The following TBC1D12 variants were observed in gnomAD, a reference collection of about 807,000 sequenced individuals.
TBC1D12 encodes TBC1 domain family member 12.
In TBC1D12, 56 loss-of-function variants were observed where a neutral mutation model predicts 86.7. The ratio of observed to expected loss-of-function variants is 0.65; its 90% CI spans 0.52 to 0.81. The LOEUF (loss-of-function observed/expected upper bound fraction) is 0.81, where lower values mean the gene tolerates loss of function less well. Among genes scored for constraint, TBC1D12 ranks in the 30% least tolerant of loss-of-function variants. The pLI, the probability that TBC1D12 is intolerant of heterozygous loss-of-function variation, is 0.00. For missense variants in TBC1D12, 1,023 were observed against 1,038.8 expected, an observed-to-expected ratio of 0.98 and a Z score of 0.21; for synonymous variants, 421 against 411.7, an observed-to-expected ratio of 1.02 and a Z score of -0.27.
intron 11 of TBC1D12, 29 bp from the exon 12 acceptor site, chr10:94,531,173 T>C: frequency 6.3e-7 from 1 of 1,591,544 alleles, no homozygotes; most frequent in Non-Finnish European, 8.6e-7. Context: ...ATGAAAAATT[T>C]CAGTGACCAT....
At chr10:94,465,013 A>G (rs2055785442) in intron 2 of TBC1D12, among the ~76,000 whole-genome samples, 2 of 152,230 alleles carry the variant, frequency 1.3e-5, no homozygotes, top group Admixed American at 6.5e-5. Flanking sequence ...TAGTAAAGAG[A>G]AGAACGTTTT....
chr10:94,432,594 C>T (rs969327374), intron 1 of TBC1D12, among the ~76,000 whole-genome samples: 1 of 152,084 alleles, frequency 6.6e-6, no homozygotes, highest in Non-Finnish European at 1.5e-5. Context: ...CAACTGGATA[C>T]CTGTGGGCTC....
chr10:94,501,898 T>A (rs1370935316), intron 6 of TBC1D12, among the ~76,000 whole-genome samples: 1 of 152,034 alleles, frequency 6.6e-6, no homozygotes, highest in Non-Finnish European at 1.5e-5. Flanking sequence ...ACATGGTGGC[T>A]CATGCCTGTA....
chr10:94,447,848 T>C (rs1438472689), intron 2 of TBC1D12, among the ~76,000 whole-genome samples: 1 of 149,588 alleles, frequency 6.7e-6, no homozygotes, highest in African/African-American at 2.5e-5. Flanking sequence ...ATGAACCATG[T>C]TATATGTAAT....
chr10:94,468,451 G>A (rs908347852), intron 2 of TBC1D12, among the ~76,000 whole-genome samples: 2 of 152,192 alleles, frequency 1.3e-5, no homozygotes, highest in Middle Eastern at 6.8e-3. Flanking sequence ...TCTGGTATAG[G>A]ATTCTAAGTT....
intron 2 of TBC1D12, among the ~76,000 whole-genome samples, chr10:94,444,783 G>A (rs2055433042): frequency 6.7e-6 from 1 of 148,726 alleles, no homozygotes; most frequent in South Asian, 2.1e-4. Flanking sequence ...CCAGGCTGCA[G>A]TGCAGTGGCA....
rs1477996731 is a variant in TBC1D12, at chr10:94,458,551, T to C, written c.1096-16117T>C. On this transcript the variant is annotated intron_variant, in intron 2 of 12. Transcript: ENST00000225235. ...TGAAACTGTGTCTGGAATTGGTGGGTTCTTGGTCTCGCTGAGTTCAAGAAT... is the reference window on the plus strand; with the variant it reads ...TGAAACTGTGTCTGGAATTGGTGGGCTCTTGGTCTCGCTGAGTTCAAGAAT... 3.9e-5 allele frequency among the ~76,000 whole-genome samples: 6 copies of C among 152,260 alleles called. No homozygotes were observed. The East Asian group carries it at 1.2e-3, about 29-fold the overall frequency.
Position 94,403,613 on chromosome 10 carries a change from GCGGGTC to G in TBC1D12, c.971+34_971+39del. ...CAGCGCAGGCTGCATGGGACTCGGG[GCGGGTC>G]CGGGGCCGGGGCCGGAGCCGGGGTC... On this transcript the variant is annotated intron_variant, in intron 1 of 12. Transcript: ENST00000225235. 3 of 1,425,466 alleles carry G rather than the reference GCGGGTC, an allele frequency of 2.1e-6. No homozygotes were observed. The South Asian group carries it at 4.7e-5, about 23-fold the overall frequency. The allele number at this position is 1,425,466 out of a possible 1,614,324, so 88.3% of individuals were successfully genotyped here. A position where few individuals can be genotyped will look rare whatever the true frequency, so the allele number is the denominator to read the frequency against.
At chr10:94,490,679 T>C (rs2056233876) in intron 3 of TBC1D12, among the ~76,000 whole-genome samples, 1 of 152,232 alleles carries the variant, frequency 6.6e-6, no homozygotes, top group South Asian at 2.1e-4. Context: ...TGCAGTTTTT[T>C]GGAAATGGTT....
At chr10:94,502,945 A>T (rs1290206145) in intron 6 of TBC1D12, among the ~76,000 whole-genome samples, 7 of 152,144 alleles carry the variant, frequency 4.6e-5, no homozygotes, top group African/African-American at 1.7e-4. Context: ...TTTGGTGTAT[A>T]TTCTTTCTGG....
At chr10:94,447,923 T>C (rs896993787) in intron 2 of TBC1D12, among the ~76,000 whole-genome samples, 6 of 150,858 alleles carry the variant, frequency 4.0e-5, no homozygotes, top group Non-Finnish European at 7.4e-5. Context: ...AAACTGATAA[T>C]CTCTCAGTGA....
intron 2 of TBC1D12, among the ~76,000 whole-genome samples, chr10:94,456,755 A>G (rs1310583442): frequency 6.6e-6 from 1 of 152,224 alleles, no homozygotes; most frequent in Non-Finnish European, 1.5e-5. Context: ...TCCATTTCTG[A>G]TAGAGGCATT....
chr10:94,480,476 C>T (rs1233025194), intron 3 of TBC1D12, among the ~76,000 whole-genome samples: 1 of 152,026 alleles, frequency 6.6e-6, no homozygotes, highest in African/African-American at 2.4e-5. Flanking sequence ...AACTAGCCAA[C>T]ACAATAGGTG....
intron 3 of TBC1D12, among the ~76,000 whole-genome samples, chr10:94,482,678 G>T (rs915142860): frequency 6.6e-6 from 1 of 151,986 alleles, no homozygotes; most frequent in Admixed American, 6.6e-5. Flanking sequence ...GTGAACTCCC[G>T]ACCTCAGGTG....
chr10:94,484,429 G>A (rs529362584), intron 3 of TBC1D12, among the ~76,000 whole-genome samples: 14 of 151,730 alleles, frequency 9.2e-5, no homozygotes, highest in South Asian at 6.3e-4. Flanking sequence ...TAGTAGAGAC[G>A]GGGTTTCTCC....
chr10:94,495,027 C>T (rs989468394), intron 4 of TBC1D12, among the ~76,000 whole-genome samples: 2 of 140,374 alleles, frequency 1.4e-5, no homozygotes, highest in Admixed American at 1.4e-4. Flanking sequence ...ACACCCAGCT[C>T]TTTTTTTTTT....
chr10:94,499,362 C>T (rs946674745), intron 5 of TBC1D12, among the ~76,000 whole-genome samples: 2 of 152,140 alleles, frequency 1.3e-5, no homozygotes, highest in Non-Finnish European at 2.9e-5. Context: ...CTACCCCCTA[C>T]TTTTATGAGA....
chr10:94,406,425 G>C (rs1349221201), intron 1 of TBC1D12, among the ~76,000 whole-genome samples: 1 of 152,138 alleles, frequency 6.6e-6, no homozygotes, highest in African/African-American at 2.4e-5. Flanking sequence ...ACATTCTTGG[G>C]AAAGAAAGGG....
intron 1 of TBC1D12, among the ~76,000 whole-genome samples, chr10:94,424,743 G>A (rs2055125313): frequency 6.6e-6 from 1 of 152,234 alleles, no homozygotes; most frequent in African/African-American, 2.4e-5. Flanking sequence ...TCAGTGCTGG[G>A]AAGGATAGAG....
Sources: allele counts gnomAD v4.1 joint callset (sites outside exome capture counted in the v4.1 genomes callset), GRCh38; gene constraint gnomAD v4.1.1; transcripts MANE v1.5; gene names NCBI Gene and HGNC (gene_info 2026-07-23, HGNC 2026-07-21).